NOXRED1: variants seen among roughly 807,000 people sequenced by gnomAD.
NOXRED1 encodes NADP-dependent oxidoreductase domain-containing protein 1.
NOXRED1 carries 20 observed loss-of-function variants against 30.4 expected under a neutral mutation model. The ratio of observed to expected loss-of-function variants is 0.66; its 90% CI spans 0.46 to 0.96. The LOEUF (loss-of-function observed/expected upper bound fraction) is 0.96. Ranked by LOEUF, NOXRED1 falls within the 40% of genes least tolerant of loss-of-function variation. The probability of loss-of-function intolerance (pLI) is 0.00; values close to 1 mark genes in which losing one functional copy is unlikely to be tolerated. For synonymous variants in NOXRED1, 155 were observed against 168.0 expected (o/e 0.92, Z 0.60); for missense variants, 374 against 428.0 (o/e 0.87, Z 1.11).
intron 3 of NOXRED1, 105 bp from the exon 4 acceptor site, chr14:77,406,980 G>C: frequency 1.0e-6 from 1 of 980,744 alleles, no homozygotes; most frequent in Non-Finnish European, 1.5e-6. Flanking sequence ...CCCCCACACA[G>C]CTCAGAGATA....
At position 77,394,797 on chromosome 14, in the gene NOXRED1, G is replaced by A. The variant is rs756032715; in HGVS notation, c.914C>T (p.Pro305Leu). Residue 305 changes from proline to leucine, a missense_variant, in exon 6 of 6, where the codon CCC becomes CTC. Coordinates refer to ENST00000380835, the MANE Select transcript of NOXRED1 (RefSeq NM_001113475.3). ...TTGCACAGCAGTCAGATCAAACCAG[G>A]GGAAAGGCCTGAGGTGAAAAAAATA... Reference protein sequence around the residue: ...GKNLSQERPFPWFDLTAVQLK... With the variant: ...GKNLSQERPFLWFDLTAVQLK... 1.9e-6 allele frequency: 3 copies of A among 1,612,432 alleles called. No homozygotes were observed. Among genetic ancestry groups the A allele is most frequent in the Admixed American group, 3.3e-5 (2 of 59,896 alleles).
intron 5 of NOXRED1, among the ~76,000 whole-genome samples, chr14:77,396,844 T>G (rs1213444569): frequency 6.6e-6 from 1 of 152,224 alleles, no homozygotes; most frequent in Non-Finnish European, 1.5e-5. Flanking sequence ...AAAATTAAGA[T>G]GTCAGTTTTC....
upstream of NOXRED1, among the ~76,000 whole-genome samples, chr14:77,425,941 G>C (rs1374789726): frequency 6.6e-6 from 1 of 152,194 alleles, no homozygotes. Flanking sequence ...TCTACAAAAT[G>C]TTAGCTGGGT....
intron 4 of NOXRED1, chr14:77,406,421 C>G (rs1894459061): frequency 3.4e-6 from 2 of 591,948 alleles, no homozygotes; most frequent in Non-Finnish European, 6.0e-6. Flanking sequence ...GGAGAAGGAA[C>G]TGGGGAAAAC....
At chr14:77,418,999 A>G (rs1012386875) in intron 1 of NOXRED1, among the ~76,000 whole-genome samples, 1 of 150,620 alleles carries the variant, frequency 6.6e-6, no homozygotes, top group African/African-American at 2.4e-5. Flanking sequence ...TCCCTTCAGC[A>G]TTAGTTGTAA....
intron 2 of NOXRED1, among the ~76,000 whole-genome samples, chr14:77,411,295 A>T (rs1271686130): frequency 3.3e-5 from 5 of 150,790 alleles, no homozygotes; most frequent in Admixed American, 2.7e-4. Context: ...ATGATGAAAC[A>T]CCATCTCTAT....
intron 1 of NOXRED1, 99 bp downstream of exon 1, chr14:77,422,636 C>G (rs1405386469): frequency 4.3e-6 from 5 of 1,169,648 alleles, no homozygotes; most frequent in Non-Finnish European, 6.4e-6. Context: ...GACAATCCAC[C>G]AGCCAAACTT....
At chr14:77,413,665 A>G (rs948018725) in intron 2 of NOXRED1, among the ~76,000 whole-genome samples, 10 of 152,210 alleles carry the variant, frequency 6.6e-5, no homozygotes, top group Admixed American at 3.9e-4. Flanking sequence ...CTCTGTATGG[A>G]AAGCTTCCCT....
intron 5 of NOXRED1, 24 bp from the exon 6 acceptor site, chr14:77,394,829 C>G (rs748210076): frequency 6.4e-7 from 1 of 1,574,300 alleles, no homozygotes; most frequent in South Asian, 1.1e-5. Context: ...AATATTGTTA[C>G]TTTTTTATGT....
At chr14:77,412,101 T>TAA (rs71128621) in intron 2 of NOXRED1, among the ~76,000 whole-genome samples, 779 of 63,660 alleles carry the variant, frequency 0.012, 15 homozygotes, top group Middle Eastern at 0.057. Flanking sequence ...AGACTCAGTC[T>TAA]AAAAAAAAAA....
At chr14:77,412,424 C>T (rs1894684758) in intron 2 of NOXRED1, among the ~76,000 whole-genome samples, 2 of 152,104 alleles carry the variant, frequency 1.3e-5, no homozygotes, top group Non-Finnish European at 2.9e-5. Flanking sequence ...GCAAGCACAC[C>T]CTGCTAGGGA....
rs940717396 is a variant in NOXRED1, at chr14:77,413,650, C to A, written c.349+284G>T. Among the ~76,000 whole-genome samples, 5 of 152,246 alleles carry A rather than the reference C, an allele frequency of 3.3e-5. No homozygotes were observed. In the South Asian group the frequency reaches 1.0e-3, roughly 32 times the overall value. ...ACCCTAACTGATTCAGTTAGAAGATCTGAACTCTGTATGGAAAGCTTCCCT... is the reference window on the plus strand; with the variant it reads ...ACCCTAACTGATTCAGTTAGAAGATATGAACTCTGTATGGAAAGCTTCCCT... On this transcript the variant is annotated intron_variant, in intron 2 of 5. Coordinates refer to ENST00000380835, the MANE Select transcript of NOXRED1 (RefSeq NM_001113475.3).
At chr14:77,406,247 G>T (rs566688294) in intron 4 of NOXRED1, 112 bp from the exon 5 acceptor site, 1 of 692,578 alleles carries the variant, frequency 1.4e-6, no homozygotes, top group South Asian at 1.8e-5. Flanking sequence ...AGACAGATTG[G>T]TAATATGAAC....
intron 1 of NOXRED1, among the ~76,000 whole-genome samples, chr14:77,418,926 A>C (rs1894907669): frequency 6.6e-6 from 1 of 152,024 alleles, no homozygotes; most frequent in South Asian, 2.1e-4. Context: ...TTTGCCAGAG[A>C]GCTTTTTATT....
chr14:77,415,631 T>TAGATAGAC (rs1555363632), intron 1 of NOXRED1, among the ~76,000 whole-genome samples: 2,250 of 141,306 alleles, frequency 0.016, 23 homozygotes, highest in Admixed American at 0.027. Flanking sequence ...GATAGATAGA[T>TAGATAGAC]AGACAGACAG....
At chr14:77,402,302 T>C (rs1894349505) in intron 5 of NOXRED1, among the ~76,000 whole-genome samples, 1 of 152,168 alleles carries the variant, frequency 6.6e-6, no homozygotes, top group Non-Finnish European at 1.5e-5. Flanking sequence ...TAAAGGACTG[T>C]TTTCCAAAAC....
chr14:77,419,494 G>A (rs1214259427), intron 1 of NOXRED1, among the ~76,000 whole-genome samples: 1 of 138,796 alleles, frequency 7.2e-6, no homozygotes, highest in Non-Finnish European at 1.5e-5. Context: ...TTTCGCCCAG[G>A]CTGGACTGCA....
At chr14:77,412,884 A>G (rs895215561) in intron 2 of NOXRED1, among the ~76,000 whole-genome samples, 1 of 152,054 alleles carries the variant, frequency 6.6e-6, no homozygotes, top group Non-Finnish European at 1.5e-5. Context: ...AAACAACTGT[A>G]TACAGTGTCG....
At chr14:77,403,300 T>G in intron 5 of NOXRED1, among the ~76,000 whole-genome samples, 1 of 152,262 alleles carries the variant, frequency 6.6e-6, no homozygotes, top group East Asian at 1.9e-4. Context: ...AAACATAGAA[T>G]AGTATTAAGT....
Sources: allele counts gnomAD v4.1 joint callset (sites outside exome capture counted in the v4.1 genomes callset), GRCh38; gene constraint gnomAD v4.1.1; transcripts MANE v1.5; gene names NCBI Gene and HGNC (gene_info 2026-07-23, HGNC 2026-07-21).